CAMTA1: variants seen among roughly 807,000 people sequenced by gnomAD.
CAMTA1 encodes calmodulin-binding transcription activator 1.
Under a neutral mutation model 170.9 loss-of-function variants are expected in CAMTA1, and 27 were observed. That is an observed-to-expected ratio of 0.16 (90% confidence interval 0.12 to 0.22). The LOEUF (loss-of-function observed/expected upper bound fraction) is 0.22, where lower values mean the gene tolerates loss of function less well. CAMTA1 is among the 10% of genes least tolerant of loss of function. The pLI, the probability that CAMTA1 is intolerant of heterozygous loss-of-function variation, is 1.00. For missense variants in CAMTA1, 1,619 were observed against 2,217.2 expected (o/e 0.73, Z 5.42); for synonymous variants, 833 against 891.5 (o/e 0.93, Z 1.17).
At chr1:7,006,137 C>G (rs950620103) in intron 3 of CAMTA1, among the ~76,000 whole-genome samples, 1 of 152,170 alleles carries the variant, frequency 6.6e-6, no homozygotes, top group East Asian at 1.9e-4. Context: ...CTTCGTAGAC[C>G]TGCCCATAGT....
At chr1:7,189,963 A>T (rs1430646816) in intron 4 of CAMTA1, among the ~76,000 whole-genome samples, 1 of 152,262 alleles carries the variant, frequency 6.6e-6, no homozygotes, top group African/African-American at 2.4e-5. Flanking sequence ...GTAAGAAGGA[A>T]TGAATTAATG....
chr1:7,613,218 G>A (rs575524732), intron 6 of CAMTA1, among the ~76,000 whole-genome samples: 92 of 152,354 alleles, frequency 6.0e-4, no homozygotes, highest in African/African-American at 2.0e-3. Context: ...TTGGCAAGTC[G>A]CCTTGGAACT....
At chr1:7,711,060 A>G (rs2096567396) in intron 11 of CAMTA1, among the ~76,000 whole-genome samples, 2 of 152,222 alleles carry the variant, frequency 1.3e-5, no homozygotes, top group Admixed American at 6.5e-5. Flanking sequence ...TACCATGGAC[A>G]GGTGTCCTGT....
intron 4 of CAMTA1, among the ~76,000 whole-genome samples, chr1:7,204,830 C>CTTTTTTTTTT (rs367812076): frequency 5.8e-5 from 5 of 86,824 alleles, no homozygotes; most frequent in East Asian, 3.3e-4. Flanking sequence ...TTCTTTTTTT[C>CTTTTTTTTTT]TTTTTTTTTT....
At chr1:7,652,803 C>T (rs936281224) in intron 7 of CAMTA1, among the ~76,000 whole-genome samples, 2 of 152,158 alleles carry the variant, frequency 1.3e-5, no homozygotes, top group Non-Finnish European at 2.9e-5. Context: ...CTCACCTCCT[C>T]CTAGGAGCTG....
intron 19 of CAMTA1, among the ~76,000 whole-genome samples, chr1:7,750,395 A>G (rs959938895): frequency 1.3e-5 from 2 of 152,210 alleles, no homozygotes; most frequent in Non-Finnish European, 2.9e-5. Flanking sequence ...AAAGGGCTTC[A>G]TTGCAACTTC....
intron 3 of CAMTA1, among the ~76,000 whole-genome samples, chr1:6,941,769 C>T (rs769903309): frequency 1.6e-4 from 25 of 152,224 alleles, no homozygotes; most frequent in Non-Finnish European, 3.2e-4. Flanking sequence ...GGGTGGAGGC[C>T]GTACAGGTGA....
intron 4 of CAMTA1, among the ~76,000 whole-genome samples, chr1:7,226,621 T>G (rs1396212082): frequency 1.3e-5 from 2 of 152,200 alleles, no homozygotes; most frequent in East Asian, 3.9e-4. Context: ...GGACTTTTCC[T>G]TATGTACACA....
chr1:7,154,400 G>T (rs1458458883), intron 4 of CAMTA1, among the ~76,000 whole-genome samples: 1 of 152,078 alleles, frequency 6.6e-6, no homozygotes, highest in Admixed American at 6.5e-5. Flanking sequence ...TCCTTTGTGA[G>T]GTCGATGGGG....
intron 11 of CAMTA1, among the ~76,000 whole-genome samples, chr1:7,717,292 T>A (rs2096617500): frequency 6.6e-6 from 1 of 152,160 alleles, no homozygotes; most frequent in Admixed American, 6.5e-5. Context: ...GATAGCTGTG[T>A]CATTATTTAA....
chr1:7,290,456 G>A (rs34314938), intron 5 of CAMTA1, among the ~76,000 whole-genome samples: 43,495 of 152,068 alleles, frequency 0.29, 6,580 homozygotes, highest in South Asian at 0.41. Flanking sequence ...TTCCACCTGG[G>A]CAGGGGACAC....
At chr1:6,791,459 A>G (rs985736464) in intron 1 of CAMTA1, among the ~76,000 whole-genome samples, 9 of 152,158 alleles carry the variant, frequency 5.9e-5, no homozygotes, top group Non-Finnish European at 1.2e-4. Context: ...GGGCCTCCCC[A>G]TGTAGGATTT....
rs931954053 is a variant in CAMTA1, at chr1:7,532,096, A to G, written c.510+64195A>G. On this transcript the variant is annotated intron_variant, in intron 6 of 22. Coordinates refer to ENST00000303635, the MANE Select transcript of CAMTA1 (RefSeq NM_015215.4). The surrounding 1 kb of genome is among the most constrained non-coding windows in gnomAD (Gnocchi z 4.2). ...CAGGGGCGGCGAATGAGTGACAGAA[A>G]AGGAGGCAGGTGACTCCAGCGGTAC... 2.0e-5 allele frequency among the ~76,000 whole-genome samples: 3 copies of G among 152,148 alleles called. No homozygotes were observed. The highest frequency in any genetic ancestry group is 6.5e-5 in the Admixed American group (1 of 15,278).
intron 6 of CAMTA1, among the ~76,000 whole-genome samples, chr1:7,614,287 C>T (rs2095544342): frequency 6.6e-6 from 1 of 152,076 alleles, no homozygotes; most frequent in African/African-American, 2.4e-5. Context: ...GTGTCCATCC[C>T]CTCCCTTGTT....
chr1:7,517,278 G>T (rs541773120), intron 6 of CAMTA1, among the ~76,000 whole-genome samples: 1 of 152,228 alleles, frequency 6.6e-6, no homozygotes, highest in African/African-American at 2.4e-5. Flanking sequence ...TGTTGGTCTG[G>T]TTATACCCTT....
At chr1:7,494,537 C>CTTTACAGGTGGGA (rs1011713798) in intron 6 of CAMTA1, among the ~76,000 whole-genome samples, 1 of 152,152 alleles carries the variant, frequency 6.6e-6, no homozygotes, top group African/African-American at 2.4e-5. Flanking sequence ...GGTGCGGTGG[C>CTTTACAGGTGGGA]TTACACCTGT....
intron 4 of CAMTA1, among the ~76,000 whole-genome samples, chr1:7,126,176 C>T (rs1287569482): frequency 6.6e-6 from 1 of 152,128 alleles, no homozygotes; most frequent in Non-Finnish European, 1.5e-5. Flanking sequence ...CCACTGGGTC[C>T]CTCCCACAAC....
intron 3 of CAMTA1, among the ~76,000 whole-genome samples, chr1:6,936,904 C>T (rs889495665): frequency 3.9e-5 from 6 of 152,208 alleles, no homozygotes; most frequent in Admixed American, 3.9e-4. Context: ...AGGAGAATGG[C>T]GTGAACCCGA....
At chr1:7,150,492 A>G (rs6693832) in intron 4 of CAMTA1, among the ~76,000 whole-genome samples, 107,149 of 151,798 alleles carry the variant, frequency 0.71, 38,645 homozygotes, top group African/African-American at 0.86. Context: ...TGGACATTCC[A>G]GGCTGGATAA....
Sources: allele counts gnomAD v4.1 joint callset (sites outside exome capture counted in the v4.1 genomes callset), GRCh38; gene constraint gnomAD v4.1.1; non-coding constraint Gnocchi (gnomAD v3.1); transcripts MANE v1.5; gene names NCBI Gene and HGNC (gene_info 2026-07-23, HGNC 2026-07-21).